LYZL4: variants seen among roughly 807,000 people sequenced by gnomAD.
The protein encoded by LYZL4 is lysozyme like 4, also known as lysozyme-like protein 4.
Under a neutral mutation model 17.6 loss-of-function variants are expected in LYZL4, and 13 were observed. The ratio of observed to expected loss-of-function variants is 0.74; its 90% confidence interval spans 0.48 to 1.18. The LOEUF (loss-of-function observed/expected upper bound fraction) is 1.18. Ranked by LOEUF, LYZL4 falls within the 50% of genes most tolerant of loss-of-function variation. LYZL4 has a pLI of 0.00. For synonymous variants in LYZL4, 64 were observed against 67.7 expected (o/e 0.95, Z 0.27); for missense variants, 174 against 188.2 (o/e 0.92, Z 0.44).
At chr3:42,374,753 A>G in the LYZL4 span, among the ~76,000 whole-genome samples, 5 of 152,162 alleles carry the variant, frequency 3.3e-5, no homozygotes, top group Non-Finnish European at 7.3e-5. Flanking sequence ...GTATTTTCTT[A>G]CAATAAATTA....
At chr3:42,404,666 T>C (rs927707433) in intron 3 of LYZL4, among the ~76,000 whole-genome samples, 1 of 152,282 alleles carries the variant, frequency 6.6e-6, no homozygotes, top group Non-Finnish European at 1.5e-5. Flanking sequence ...TATAGATAGA[T>C]AGATGATAGG....
the LYZL4 span, among the ~76,000 whole-genome samples, chr3:42,378,819 C>A: frequency 6.6e-6 from 1 of 152,164 alleles, no homozygotes; most frequent in South Asian, 2.1e-4. Flanking sequence ...CATAATCTCA[C>A]TTCATTCTCG....
At chr3:42,371,065 G>T in the LYZL4 span, among the ~76,000 whole-genome samples, 139 of 152,274 alleles carry the variant, frequency 9.1e-4, 1 homozygote, top group Middle Eastern at 0.01. Context: ...ATCTTCAACT[G>T]CTGAGTCCTG....
chr3:42,407,005 T>C lies in LYZL4; in HGVS notation c.140-7A>G. 3.1e-6 allele frequency: 5 copies of C among 1,614,062 alleles called. No homozygotes were observed. Among genetic ancestry groups the C allele is most frequent in the Non-Finnish European group, 4.2e-6 (5 of 1,180,008 alleles). ...AAGTAGGCCAGGCACACCCCTAAGA[T>C]GGAACAGAAGGTGTGTGACTCTGAG... On this transcript the variant is annotated splice_polypyrimidine_tract_variant and splice_region_variant and intron_variant, in intron 2 of 4. Transcript: ENST00000287748.
chr3:42,372,063 G>A, the LYZL4 span, among the ~76,000 whole-genome samples: 1 of 152,188 alleles, frequency 6.6e-6, no homozygotes, highest in Non-Finnish European at 1.5e-5. Context: ...ATTGGTTCCT[G>A]AACTACAATT....
At chr3:42,393,627 C>T (rs247421), downstream of LYZL4, among the ~76,000 whole-genome samples, 31,912 of 152,076 alleles carry the variant, frequency 0.21, 3,778 homozygotes, top group Non-Finnish European at 0.27. Flanking sequence ...ATTTTCCAAC[C>T]CTGTACTCTT....
chr3:42,364,485 G>A, the LYZL4 span, among the ~76,000 whole-genome samples: 1 of 151,766 alleles, frequency 6.6e-6, no homozygotes, highest in African/African-American at 2.4e-5. Context: ...TGGGATTACA[G>A]GCACTCGCCA....
chr3:42,370,939 T>C, the LYZL4 span, among the ~76,000 whole-genome samples: 1 of 152,202 alleles, frequency 6.6e-6, no homozygotes, highest in Non-Finnish European at 1.5e-5. Flanking sequence ...CATCTCCTTT[T>C]GTCTTTAGGG....
chr3:42,361,213 T>C, the LYZL4 span, among the ~76,000 whole-genome samples: 2 of 152,166 alleles, frequency 1.3e-5, no homozygotes, highest in African/African-American at 2.4e-5. Context: ...CTTTTACATA[T>C]GGTAACATAC....
At chr3:42,360,783 T>C in the LYZL4 span, among the ~76,000 whole-genome samples, 1 of 152,060 alleles carries the variant, frequency 6.6e-6, no homozygotes, top group Non-Finnish European at 1.5e-5. Context: ...ATATGCAGTT[T>C]TTTTTTTACT....
rs2125603316 is a variant in LYZL4 at position 42,406,990 on chromosome 3, G to C, written c.148C>G (p.Leu50Val). ...EGYSLENWVC[L>V]AYFESKFNPM... ...TTGAACTTGCTCTCGAAGTAGGCCA[G>C]GCACACCCCTAAGATGGAACAGAAG... Residue 50 changes from leucine to valine, a missense_variant, in exon 3 of 5, where the codon CTG becomes GTG. By Grantham distance (32) the Leu-to-Val change is conservative. Coordinates refer to ENST00000287748, the MANE Select transcript of LYZL4 (RefSeq NM_144634.4). The C allele has an allele frequency of 6.2e-7, 1 of 1,614,208 alleles. No homozygotes were observed. The highest frequency in any genetic ancestry group is 1.1e-5 in the South Asian group (1 of 91,076).
the LYZL4 span, among the ~76,000 whole-genome samples, chr3:42,370,029 CA>C: frequency 5.9e-5 from 9 of 152,094 alleles, no homozygotes; most frequent in African/African-American, 2.2e-4. Context: ...CAAAACAAAA[CA>C]AAGACTCCAG....
the LYZL4 span, among the ~76,000 whole-genome samples, chr3:42,377,290 T>C: frequency 1.1e-4 from 17 of 152,204 alleles, no homozygotes; most frequent in Admixed American, 4.6e-4. Context: ...TGTCTGCCTA[T>C]GGGGTAGATC....
intron 4 of LYZL4, among the ~76,000 whole-genome samples, chr3:42,398,521 C>T (rs934073916): frequency 2.0e-5 from 3 of 152,152 alleles, no homozygotes; most frequent in Non-Finnish European, 4.4e-5. Context: ...TTTAAAATTA[C>T]AATCTATTAA....
At chr3:42,382,952 G>C in the LYZL4 span, among the ~76,000 whole-genome samples, 1 of 152,068 alleles carries the variant, frequency 6.6e-6, no homozygotes. Flanking sequence ...CGGCAGCAGT[G>C]ATGCTTGGCA....
the LYZL4 span, among the ~76,000 whole-genome samples, chr3:42,377,169 C>A: frequency 1.6e-3 from 242 of 152,212 alleles, 2 homozygotes; most frequent in South Asian, 0.027. Flanking sequence ...GTGAGTCTCC[C>A]GAGCATGTGT....
At chr3:42,371,467 C>T in the LYZL4 span, among the ~76,000 whole-genome samples, 29 of 152,190 alleles carry the variant, frequency 1.9e-4, no homozygotes, top group Admixed American at 1.5e-3. Context: ...TTTCTAGAAT[C>T]TGAGTACATA....
chr3:42,404,308 G>T (rs1698710790), intron 3 of LYZL4, among the ~76,000 whole-genome samples, 184 bp from the exon 4 acceptor site: 1 of 152,094 alleles, frequency 6.6e-6, no homozygotes, highest in African/African-American at 2.4e-5. Context: ...CTTTTTACCA[G>T]ATCTATTGAT....
At chr3:42,391,093 C>A in the LYZL4 span, among the ~76,000 whole-genome samples, 1 of 152,102 alleles carries the variant, frequency 6.6e-6, no homozygotes, top group African/African-American at 2.4e-5. Context: ...TCCAGTGTGA[C>A]CCAGCATTGT....
Sources: gnomAD v4.1 joint callset for allele counts (sites outside exome capture counted in the v4.1 genomes callset) on GRCh38, gnomAD v4.1.1 for gene constraint, MANE v1.5 for transcripts, NCBI Gene and HGNC (gene_info 2026-07-23, HGNC 2026-07-21) for gene names.